XPR1: variants seen among roughly 807,000 people sequenced by gnomAD.
XPR1 encodes the protein solute carrier family 53 member 1.
In XPR1, 28 loss-of-function variants were observed where a neutral mutation model predicts 87.5. The ratio of observed to expected loss-of-function variants is 0.32; its 90% CI spans 0.24 to 0.44. XPR1 has a LOEUF of 0.44. Ranked by LOEUF, XPR1 falls within the 20% of genes least tolerant of loss-of-function variation. XPR1 has a pLI of 1.00. For synonymous variants in XPR1, 300 were observed against 306.1 expected (o/e 0.98, Z 0.21); for missense variants, 559 against 862.3 (o/e 0.65, Z 4.41).
chr1:180,815,921 CATACTT>C, intron 7 of XPR1, among the ~76,000 whole-genome samples: 1 of 152,288 alleles, frequency 6.6e-6, no homozygotes, highest in African/African-American at 2.4e-5. Flanking sequence ...ATCCTACAAA[CATACTT>C]GTACATGGTT....
chr1:180,798,954 G>A (rs888988133), intron 3 of XPR1, among the ~76,000 whole-genome samples: 2 of 152,186 alleles, frequency 1.3e-5, no homozygotes, highest in African/African-American at 4.8e-5. Flanking sequence ...GGTCATGGAA[G>A]TAATGGGAGG....
intron 3 of XPR1, among the ~76,000 whole-genome samples, chr1:180,800,173 A>G (rs909743480): frequency 6.6e-6 from 1 of 152,192 alleles, no homozygotes; most frequent in Non-Finnish European, 1.5e-5. Flanking sequence ...AAAAGGAATC[A>G]TAGGATGAAT....
intron 5 of XPR1, 65 bp downstream of exon 5, chr1:180,806,276 T>A: frequency 1.9e-6 from 3 of 1,577,498 alleles, no homozygotes; most frequent in Non-Finnish European, 2.6e-6. Context: ...GGGAAGCAAT[T>A]CCTTATTTCT....
chr1:180,646,485 T>G (rs771935372), intron 1 of XPR1, among the ~76,000 whole-genome samples: 1 of 152,188 alleles, frequency 6.6e-6, no homozygotes, highest in Non-Finnish European at 1.5e-5. Context: ...TTCATGGCTT[T>G]CTTGGATAGC....
chr1:180,791,974 T>C (rs1459585958), intron 3 of XPR1, among the ~76,000 whole-genome samples: 1 of 152,250 alleles, frequency 6.6e-6, no homozygotes, highest in Non-Finnish European at 1.5e-5. Context: ...GGCACGTCTC[T>C]TGATGTCCTC....
intron 1 of XPR1, among the ~76,000 whole-genome samples, chr1:180,679,302 G>A (rs1300194243): frequency 2.0e-5 from 3 of 152,160 alleles, no homozygotes; most frequent in East Asian, 3.8e-4. Flanking sequence ...TTCTGGGGAG[G>A]GACCTTTTTG....
intron 1 of XPR1, among the ~76,000 whole-genome samples, chr1:180,675,911 G>C (rs957433746): frequency 6.6e-6 from 1 of 152,104 alleles, no homozygotes; most frequent in Non-Finnish European, 1.5e-5. Context: ...TACTCATGGA[G>C]TTCTTTTAGA....
At chr1:180,772,481 G>T (rs542068618) in intron 2 of XPR1, among the ~76,000 whole-genome samples, 2 of 152,126 alleles carry the variant, frequency 1.3e-5, no homozygotes, top group African/African-American at 4.8e-5. Context: ...GTGTGTGTGT[G>T]TGTCTGTCTG....
chr1:180,702,530 G>T (rs1448366407), intron 2 of XPR1, among the ~76,000 whole-genome samples: 1 of 151,896 alleles, frequency 6.6e-6, no homozygotes, highest in Non-Finnish European at 1.5e-5. Flanking sequence ...AAAAAGACTT[G>T]TCTTCAAGTT....
chr1:180,637,546 T>C (rs1423058645), intron 1 of XPR1, among the ~76,000 whole-genome samples: 1 of 152,178 alleles, frequency 6.6e-6, no homozygotes, highest in Non-Finnish European at 1.5e-5. Context: ...TAAAAATTAT[T>C]AAGCTAATTC....
intron 2 of XPR1, among the ~76,000 whole-genome samples, chr1:180,785,503 G>C (rs1366556207): frequency 6.6e-6 from 1 of 152,014 alleles, no homozygotes; most frequent in Non-Finnish European, 1.5e-5. Flanking sequence ...TTAGGAGACT[G>C]ATTCATGGGT....
intron 2 of XPR1, among the ~76,000 whole-genome samples, chr1:180,685,174 T>G (rs1029605943): frequency 1.8e-4 from 28 of 152,172 alleles, no homozygotes; most frequent in African/African-American, 6.8e-4. Flanking sequence ...ATACCTAATT[T>G]ATTGAGAGTT....
intron 1 of XPR1, among the ~76,000 whole-genome samples, chr1:180,637,937 T>G (rs970882216): frequency 3.9e-5 from 6 of 152,226 alleles, no homozygotes; most frequent in Admixed American, 2.6e-4. Flanking sequence ...ATGAGTATTC[T>G]GCCTTTGTAA....
intron 2 of XPR1, among the ~76,000 whole-genome samples, chr1:180,764,215 C>T (rs552932621): frequency 1.5e-4 from 23 of 152,102 alleles, no homozygotes; most frequent in South Asian, 1.5e-3. Flanking sequence ...CTGTTTAATG[C>T]GCAAAATTAT....
At chr1:180,640,577 T>C (rs1188573226) in intron 1 of XPR1, among the ~76,000 whole-genome samples, 1 of 152,252 alleles carries the variant, frequency 6.6e-6, no homozygotes, top group Admixed American at 6.5e-5. Flanking sequence ...CGCTGACCTT[T>C]CTACAGCCCA....
At chr1:180,690,683 G>A (rs1244227131) in intron 2 of XPR1, among the ~76,000 whole-genome samples, 2 of 151,364 alleles carry the variant, frequency 1.3e-5, no homozygotes. Context: ...GTTACTTACT[G>A]ATATCTTGTT....
chr1:180,857,020 C>T (rs1407449537), intron 11 of XPR1, among the ~76,000 whole-genome samples: 1 of 152,148 alleles, frequency 6.6e-6, no homozygotes, highest in African/African-American at 2.4e-5. Context: ...TGAAGGATAT[C>T]AATTTTATTT....
chr1:180,755,677 G>A (rs935505439), intron 2 of XPR1, among the ~76,000 whole-genome samples: 1 of 152,176 alleles, frequency 6.6e-6, no homozygotes, highest in South Asian at 2.1e-4. Flanking sequence ...TGGTATTTAT[G>A]TATTTCTTAA....
intron 2 of XPR1, among the ~76,000 whole-genome samples, chr1:180,685,965 GT>G (rs905880700): frequency 6.6e-5 from 10 of 151,676 alleles, no homozygotes; most frequent in African/African-American, 1.2e-4. Flanking sequence ...TTTTTGAAGG[GT>G]TTTTTTTGTC....
Sources: gnomAD v4.1 joint callset for allele counts (sites outside exome capture counted in the v4.1 genomes callset) on GRCh38, gnomAD v4.1.1 for gene constraint, MANE v1.5 for transcripts, NCBI Gene and HGNC (gene_info 2026-07-23, HGNC 2026-07-21) for gene names.